Variants in RNF217 observed in about 807,000 individuals in gnomAD.
The protein encoded by RNF217 is ring finger protein 217.
In RNF217, 31 loss-of-function variants were observed where a neutral mutation model predicts 57.8. That is an observed-to-expected ratio of 0.54 (90% confidence interval 0.40 to 0.72). The LOEUF is 0.72. Among genes scored for constraint, RNF217 ranks in the 30% least tolerant of loss-of-function variants. The pLI, the probability that RNF217 is intolerant of heterozygous loss-of-function variation, is 0.00. For synonymous variants in RNF217, 313 were observed against 294.0 expected, an observed-to-expected ratio of 1.06 and a Z score of -0.66; for missense variants, 696 against 708.3, an observed-to-expected ratio of 0.98 and a Z score of 0.20.
chr6:125,013,587 T>C (rs909158428), intron 1 of RNF217, among the ~76,000 whole-genome samples: 1 of 152,110 alleles, frequency 6.6e-6, no homozygotes, highest in African/African-American at 2.4e-5. Flanking sequence ...TTGGCTGTTT[T>C]CTTTTAGTAA....
At chr6:125,026,763 C>G (rs1283710570) in intron 1 of RNF217, among the ~76,000 whole-genome samples, 3 of 152,118 alleles carry the variant, frequency 2.0e-5, no homozygotes, top group Non-Finnish European at 4.4e-5. Context: ...CTGTGTGACT[C>G]TTGACCCTGT....
At chr6:124,991,934 G>A (rs1220549834) in intron 1 of RNF217, among the ~76,000 whole-genome samples, 4 of 152,148 alleles carry the variant, frequency 2.6e-5, no homozygotes, top group African/African-American at 4.8e-5. Context: ...ACAGCCCTGG[G>A]CCCATGGATT....
chr6:124,976,395 A>G (rs1345151015), intron 1 of RNF217, among the ~76,000 whole-genome samples: 1 of 151,852 alleles, frequency 6.6e-6, no homozygotes, highest in African/African-American at 2.4e-5. Flanking sequence ...CAGCCTCCTG[A>G]GTAGCTGGGA....
intron 1 of RNF217, chr6:125,009,489 A>G (rs375841758): frequency 1.1e-5 from 5 of 475,128 alleles, no homozygotes; most frequent in Non-Finnish European, 1.5e-5. Context: ...AAAAAGAAAA[A>G]CAGAGACTAT....
At chr6:125,023,967 T>C (rs1026626541) in intron 1 of RNF217, among the ~76,000 whole-genome samples, 2 of 152,094 alleles carry the variant, frequency 1.3e-5, no homozygotes, top group African/African-American at 4.8e-5. Flanking sequence ...ACATGCAAAA[T>C]TTCTGTTAGG....
intron 1 of RNF217, among the ~76,000 whole-genome samples, chr6:125,027,355 G>A (rs532245938): frequency 9.2e-5 from 14 of 152,166 alleles, no homozygotes; most frequent in South Asian, 2.1e-4. Context: ...CTATGTCCGT[G>A]AGTTCAATTG....
chr6:125,052,284 TTGTGTGTGTG>T (rs368469313), intron 2 of RNF217, among the ~76,000 whole-genome samples: 11 of 143,132 alleles, frequency 7.7e-5, no homozygotes, highest in Non-Finnish European at 1.1e-4. Context: ...GTCATGCGTT[TTGTGTGTGTG>T]TGTGTGTGTG....
At chr6:124,998,678 G>T (rs1784844558) in intron 1 of RNF217, among the ~76,000 whole-genome samples, 1 of 152,070 alleles carries the variant, frequency 6.6e-6, no homozygotes, top group African/African-American at 2.4e-5. Context: ...GCGTGCACCT[G>T]TAGTCCCAGC....
rs527786692 is a variant in RNF217 at position 125,005,779 on chromosome 6, T to G, written c.883-39432T>G. ...GTATGCAATAGAAAGCTTTCAAATA[T>G]AGACTTGTTTAATTAAATATGGTTT... On this transcript the variant is annotated intron_variant, in intron 1 of 5. Coordinates refer to ENST00000521654, the MANE Select transcript of RNF217 (RefSeq NM_001286398.3). 3.9e-5 allele frequency among the ~76,000 whole-genome samples: 6 copies of G among 152,332 alleles called. No individual in the cohort carries two copies. The East Asian group carries it at 1.2e-3, about 29-fold the overall frequency.
intron 3 of RNF217, among the ~76,000 whole-genome samples, chr6:125,059,080 A>G (rs1582762850): frequency 6.6e-6 from 1 of 152,310 alleles, no homozygotes; most frequent in South Asian, 2.1e-4. Context: ...AAATGAGCAT[A>G]ATAATAATAA....
At chr6:125,077,684 A>C (rs752062615) in intron 4 of RNF217, among the ~76,000 whole-genome samples, 14 of 152,130 alleles carry the variant, frequency 9.2e-5, no homozygotes, top group Non-Finnish European at 1.6e-4. Flanking sequence ...GAATGTAACC[A>C]TGTGAGATTT....
intron 2 of RNF217, among the ~76,000 whole-genome samples, chr6:125,053,511 T>C (rs969376073): frequency 1.3e-5 from 2 of 152,154 alleles, no homozygotes; most frequent in East Asian, 3.9e-4. Flanking sequence ...TTGAATTTGA[T>C]AAGTAATGAT....
chr6:125,059,530 T>C (rs1293470831), intron 3 of RNF217, among the ~76,000 whole-genome samples: 1 of 152,182 alleles, frequency 6.6e-6, no homozygotes, highest in Non-Finnish European at 1.5e-5. Flanking sequence ...TTTTATATCC[T>C]TTGGAAAGCT....
Position 125,076,778 on chromosome 6 carries a change from A to C in RNF217, c.1403A>C (p.Asn468Thr). 2 of 1,613,696 alleles carry C rather than the reference A, an allele frequency of 1.2e-6. No individual in the cohort carries two copies. Among genetic ancestry groups the C allele is most frequent in the Non-Finnish European group, 1.7e-6 (2 of 1,179,764 alleles). Residue 468 changes from asparagine to threonine, a missense_variant, in exon 4 of 6, where the codon AAC becomes ACC. By Grantham distance (65) the Asn-to-Thr change is moderately conservative. This residue lies in a region of RNF217 where 231 missense variants were observed against 321.4 expected (regional missense o/e 0.72). Transcript: ENST00000521654. ...QLRFFGDHTS[N>T]LSIFGCKYRY... ...CGATTTTTTGGAGACCACACATCAA[A>C]CCTCAGTATATTTGGATGCAAATAT...
At chr6:125,048,424 G>T (rs1480111257) in intron 2 of RNF217, among the ~76,000 whole-genome samples, 1 of 151,964 alleles carries the variant, frequency 6.6e-6, no homozygotes, top group South Asian at 2.1e-4. Flanking sequence ...AAAAAAGGTT[G>T]CTGCTAATGT....
At chr6:124,971,542 A>G (rs1278070539) in intron 1 of RNF217, 3 of 296,752 alleles carry the variant, frequency 1.0e-5, no homozygotes, top group South Asian at 5.5e-5. Context: ...GGAAACCTCC[A>G]CATCCCAGGT....
chr6:125,031,244 G>C (rs473306), intron 1 of RNF217, among the ~76,000 whole-genome samples: 126,048 of 152,252 alleles, frequency 0.83, 52,440 homozygotes, highest in East Asian at 1. Context: ...TAGGAGCTGC[G>C]ATGAAGGCCT....
At chr6:125,023,533 T>G (rs1785938616) in intron 1 of RNF217, among the ~76,000 whole-genome samples, 1 of 152,118 alleles carries the variant, frequency 6.6e-6, no homozygotes, top group Non-Finnish European at 1.5e-5. Context: ...TCAAAAAACT[T>G]AAAATAGAAC....
At chr6:125,026,824 G>A (rs1178183681) in intron 1 of RNF217, among the ~76,000 whole-genome samples, 1 of 151,756 alleles carries the variant, frequency 6.6e-6, no homozygotes, top group Non-Finnish European at 1.5e-5. Flanking sequence ...CTTACTGGAT[G>A]AAAAAAATGA....
Sources: gnomAD v4.1 joint callset for allele counts (sites outside exome capture counted in the v4.1 genomes callset) on GRCh38, gnomAD v4.1.1 for gene constraint, gnomAD v4.1.1 regional missense constraint, MANE v1.5 for transcripts, NCBI Gene and HGNC (gene_info 2026-07-23, HGNC 2026-07-21) for gene names.